Variants in SLC6A9 observed in about 807,000 individuals in gnomAD.
The protein encoded by SLC6A9 is sodium- and chloride-dependent glycine transporter 1.
Under a neutral mutation model 70.9 loss-of-function variants are expected in SLC6A9, and 31 were observed. That is an observed-to-expected ratio of 0.44 (90% CI 0.33 to 0.59). The LOEUF is 0.59. Among genes scored for constraint, SLC6A9 ranks in the 20% least tolerant of loss-of-function variants. The pLI is 0.04. For missense variants in SLC6A9, 631 were observed against 845.2 expected, an observed-to-expected ratio of 0.75 and a Z score of 3.14; for synonymous variants, 310 against 341.3, an observed-to-expected ratio of 0.91 and a Z score of 1.01.
At position 44,010,847 on chromosome 1, in the gene SLC6A9, G is replaced by C; in HGVS notation, c.66C>G (p.Asp22Glu). Residue 22 changes from aspartate to glutamate, a missense_variant, in exon 3 of 14, where the codon GAC (aspartate) becomes GAG (glutamate). Asp to Glu is a conservative substitution (Grantham distance 45). Transcript: ENST00000372310. Reference protein sequence around the residue: ...GAVPSEATKRDQNLKRGNWGN... With the variant: ...GAVPSEATKREQNLKRGNWGN... ...CCCAGTTGCCCCGTTTGAGGTTCTG[G>C]TCCCTCTTGGTGGCCTCGCTGGGCA... The C allele has an allele frequency of 6.2e-7, 1 of 1,614,222 alleles. No homozygotes were observed. Among genetic ancestry groups the C allele is most frequent in the Non-Finnish European group, 8.5e-7 (1 of 1,180,022 alleles).
intron 1 of SLC6A9, among the ~76,000 whole-genome samples, chr1:44,029,860 T>G (rs903241508): frequency 6.6e-6 from 1 of 152,192 alleles, no homozygotes; most frequent in South Asian, 2.1e-4. Flanking sequence ...CCTCACCCAC[T>G]ACTCTCCAAC....
intron 1 of SLC6A9, among the ~76,000 whole-genome samples, chr1:44,028,607 T>C (rs1040159839): frequency 1.6e-4 from 25 of 152,004 alleles, no homozygotes; most frequent in African/African-American, 5.8e-4. Flanking sequence ...AATACGAAAT[T>C]AGCTGGGCGT....
intron 12 of SLC6A9, among the ~76,000 whole-genome samples, chr1:43,999,720 T>G (rs959607469): frequency 1.3e-5 from 2 of 152,068 alleles, no homozygotes; most frequent in Middle Eastern, 3.2e-3. Context: ...GGGCCTTTAT[T>G]CAGAAACATG....
chr1:44,014,820 C>G (rs1264433788), intron 2 of SLC6A9: 1 of 152,118 alleles, frequency 6.6e-6, no homozygotes, highest in Non-Finnish European at 1.5e-5. Flanking sequence ...GCCACTTCCA[C>G]TCTTGGTATC....
Position 43,997,988 on chromosome 1 carries a change from A to C in SLC6A9, c.1574T>G (p.Ile525Ser). 1 of 1,613,976 alleles carries C rather than the reference A, an allele frequency of 6.2e-7. No homozygotes were observed. Among genetic ancestry groups the C allele is most frequent in the South Asian group, 1.1e-5 (1 of 91,060 alleles). Residue 525 changes from isoleucine (I) to serine (S), a missense_variant, in exon 13 of 14, where the codon ATC becomes AGC. Transcript: ENST00000372310. This position sits in a 1 kb window ranked among gnomAD's most constrained non-coding sequence, Gnocchi z 4.4. ...LVFTVIQYQP[I>S]TYNHYQYPGW... is the part of the protein sequence containing the mutation. ...TGGGTACTGGTAGTGGTTGTAGGTG[A>C]TCGGCTGGTACTGGATCACAGTGAA...
Position 43,999,969 on chromosome 1 carries a change from T to C in SLC6A9, c.1536+798A>G, listed in dbSNP as rs148496114. On this transcript the variant is annotated intron_variant, in intron 12 of 13. Coordinates refer to ENST00000372310, the MANE Select transcript of SLC6A9 (RefSeq NM_001024845.3). ...TTTTGGCCCCTGGACCATTCCTCCC[T>C]CCTGCAGAGGTGTTTCTAGTGTGGC... Among the ~76,000 whole-genome samples the C allele has an allele frequency of 5.1e-3, 769 of 152,274 alleles. 6 individuals carry two copies. The highest frequency in any genetic ancestry group is 0.026 in the South Asian group (127 of 4,820).
intron 4 of SLC6A9, 68 bp from the exon 5 acceptor site, chr1:44,008,691 C>CT (rs908542965): frequency 9.7e-5 from 118 of 1,218,686 alleles, no homozygotes; most frequent in Non-Finnish European, 1.2e-4. Flanking sequence ...TTAATAATTT[C>CT]TTTTTTTTCT....
chr1:44,001,583 T>C lies in SLC6A9; in HGVS notation c.1007A>G (p.Tyr336Cys), dbSNP rs369503630. The change falls in exon 9 of 14, where the codon TAT (tyrosine) becomes TGT (cysteine). Residue 336 changes from tyrosine to cysteine, a missense_variant. Tyr to Cys is a radical substitution (Grantham distance 194). Transcript: ENST00000372310. ...GATGGAGAAGATGACGAAGCCAGCA[T>C]AGACGCTGGTGGCACAGTTGGTGAT... ...ISITNCATSV[Y>C]AGFVIFSILG... 8 of 1,614,096 alleles carry C rather than the reference T, an allele frequency of 5.0e-6. No homozygotes were observed. The African/African-American group carries it at 5.3e-5, about 11-fold the overall frequency.
chr1:44,010,688 C>G, intron 3 of SLC6A9, 38 bp downstream of exon 3: 1 of 1,605,066 alleles, frequency 6.2e-7, no homozygotes, highest in Non-Finnish European at 8.5e-7. Flanking sequence ...GTGGGCTCTA[C>G]CCAAGTGGGT....
chr1:44,003,063 G>A (rs1392459718), intron 5 of SLC6A9, 78 bp from the exon 6 acceptor site: 15 of 1,546,032 alleles, frequency 9.7e-6, no homozygotes, highest in South Asian at 2.3e-5. Flanking sequence ...GGGCCCACCC[G>A]GGCTGTACCC....
Position 44,002,076 on chromosome 1 carries a change from C to T in SLC6A9, c.962+237G>A, listed in dbSNP as rs1406021302. On this transcript the variant is annotated intron_variant, in intron 8 of 13. Transcript: ENST00000372310. This position sits in a 1 kb window ranked among gnomAD's most constrained non-coding sequence, Gnocchi z 5.5. Reference sequence around the variant, plus strand: ...GTCTGTTCTGGGCATTTTTAAGGAGCCTGAGCTGCCTGAGTCCTCACAGAC... The same window carrying T: ...GTCTGTTCTGGGCATTTTTAAGGAGTCTGAGCTGCCTGAGTCCTCACAGAC... Among the ~76,000 whole-genome samples, 2 of 152,150 alleles carry T rather than the reference C, an allele frequency of 1.3e-5. No homozygotes were observed. Among genetic ancestry groups the T allele is most frequent in the Non-Finnish European group, 2.9e-5 (2 of 68,022 alleles).
chr1:44,008,758 C>T (rs2086423038), intron 4 of SLC6A9, 135 bp from the exon 5 acceptor site: 2 of 707,004 alleles, frequency 2.8e-6, no homozygotes, highest in Non-Finnish European at 4.6e-6. Flanking sequence ...CAGGCTCTGA[C>T]ACCCAGGCTG....
In SLC6A9 at chr1:44,018,859, G is replaced by A. The variant is rs113458123; in HGVS notation, c.30+5389C>T. On this transcript the variant is annotated intron_variant, in intron 2 of 13. Coordinates refer to ENST00000372310, the MANE Select transcript of SLC6A9 (RefSeq NM_001024845.3). This position sits in a 1 kb window ranked among gnomAD's most constrained non-coding sequence, Gnocchi z 4.2. ...GAGGGAGTTTTGCTTGAGCCCAGAC[G>A]TTGGAAGTTGTAGTGAGCTATGATC... Among the ~76,000 whole-genome samples, 397 of 152,180 alleles carry A rather than the reference G, an allele frequency of 2.6e-3. 2 individuals are homozygous for A. Among genetic ancestry groups the A allele is most frequent in the African/African-American group, 8.0e-3 (331 of 41,524 alleles).
rs563611322 is a variant in SLC6A9, at chr1:44,002,735, G to C, written c.724-89C>G. 1 of 1,594,764 alleles carries C rather than the reference G, an allele frequency of 6.3e-7. No individual in the cohort carries two copies. Among genetic ancestry groups the C allele is most frequent in the South Asian group, 1.1e-5 (1 of 90,304 alleles). Reference sequence around the variant, plus strand: ...GCTCCCTAATCACCACCAGCCCCCTGGTCCCTCTCCGGCTCCGGAGTCCCT... The same window carrying C: ...GCTCCCTAATCACCACCAGCCCCCTCGTCCCTCTCCGGCTCCGGAGTCCCT... On this transcript the variant is annotated intron_variant, in intron 6 of 13. Coordinates refer to ENST00000372310, the MANE Select transcript of SLC6A9 (RefSeq NM_001024845.3). The surrounding 1 kb of genome is among the most constrained non-coding windows in gnomAD (Gnocchi z 5.5).
chr1:43,997,651 G>A lies in SLC6A9; in HGVS notation c.1796C>T (p.Pro599Leu). 6.2e-7 allele frequency: 1 copy of A among 1,614,064 alleles called. No homozygotes were observed. The highest frequency in any genetic ancestry group is 8.5e-7 in the Non-Finnish European group (1 of 1,179,994). The part of the protein sequence containing the change: ...RTGRYAPTIA[P>L]SPEDGFEVQP... ...GACCTCGAAGCCGTCCTCAGGAGAG[G>A]GGGCTATGGTGGGGGCGTAGCGCCC... The change falls in exon 14 of 14, where the codon CCC (proline) becomes CTC (leucine). Residue 599 changes from proline (P) to leucine (L), a missense_variant. By Grantham distance (98) the Pro-to-Leu change is moderately conservative (BLOSUM62 -3). Coordinates refer to ENST00000372310, the MANE Select transcript of SLC6A9 (RefSeq NM_001024845.3). The surrounding 1 kb of genome is among the most constrained non-coding windows in gnomAD (Gnocchi z 4.4).
chr1:44,017,672 AC>A (rs1011303687), intron 2 of SLC6A9, among the ~76,000 whole-genome samples: 3 of 151,842 alleles, frequency 2.0e-5, no homozygotes, highest in Non-Finnish European at 4.4e-5. Flanking sequence ...TGTACCTGAC[AC>A]CCCCCACCAA....
At chr1:44,017,258 C>T (rs2154306881) in intron 2 of SLC6A9, 2 of 1,506,870 alleles carry the variant, frequency 1.3e-6, no homozygotes, top group East Asian at 2.6e-5. Context: ...CTCCCCTGGC[C>T]CTGCCCCTCC....
intron 2 of SLC6A9, among the ~76,000 whole-genome samples, chr1:44,011,934 A>G (rs1447103639): frequency 6.6e-6 from 1 of 152,206 alleles, no homozygotes; most frequent in East Asian, 1.9e-4. Context: ...CCTCCCTCCC[A>G]CAGTGAGCAG....
In SLC6A9 at chr1:44,013,485, C is replaced by A. The variant is rs1000843326; in HGVS notation, c.31-2603G>T. Reference sequence around the variant, plus strand: ...TAACCCAGGGAGGCCACAGCCCCCGCGACAGGGCTGAACCGGGGTTGGCGA... The same window carrying A: ...TAACCCAGGGAGGCCACAGCCCCCGAGACAGGGCTGAACCGGGGTTGGCGA... On this transcript the variant is annotated intron_variant, in intron 2 of 13. Transcript: ENST00000372310. The surrounding 1 kb of genome is among the most constrained non-coding windows in gnomAD (Gnocchi z 5.3). Among the ~76,000 whole-genome samples the A allele has an allele frequency of 6.6e-6, 1 of 152,230 alleles. No homozygotes were observed. Among genetic ancestry groups the A allele is most frequent in the African/African-American group, 2.4e-5 (1 of 41,460 alleles).
Sources: gnomAD v4.1 joint callset for allele counts (sites outside exome capture counted in the v4.1 genomes callset) on GRCh38, gnomAD v4.1.1 for gene constraint, Gnocchi (gnomAD v3.1) non-coding constraint, MANE v1.5 for transcripts, NCBI Gene and HGNC (gene_info 2026-07-23, HGNC 2026-07-21) for gene names.